CCDC191: variants seen among roughly 807,000 people sequenced by gnomAD.
CCDC191 encodes the protein coiled-coil domain containing 191, also known as coiled-coil domain-containing protein 191.
A neutral mutation model predicts 114.0 loss-of-function variants in CCDC191; 99 were observed. The observed-to-expected ratio is 0.87, with a 90% CI of 0.74 to 1.03. The LOEUF (loss-of-function observed/expected upper bound fraction) is 1.03. Among genes scored for constraint, CCDC191 ranks in the 50% least tolerant of loss-of-function variants. The pLI, the probability that CCDC191 is intolerant of heterozygous loss-of-function variation, is 0.00. For synonymous variants in CCDC191, 351 were observed against 376.0 expected (o/e 0.93, Z 0.77); for missense variants, 973 against 1,087.0 (o/e 0.90, Z 1.47).
chr3:114,045,557 A>G (rs969224616), intron 3 of CCDC191, among the ~76,000 whole-genome samples: 6 of 152,052 alleles, frequency 3.9e-5, no homozygotes, highest in Admixed American at 6.6e-5. Context: ...TATATTTTAT[A>G]AACTGTCATA....
chr3:114,038,394 T>C (rs892670523), intron 4 of CCDC191, among the ~76,000 whole-genome samples: 3 of 152,226 alleles, frequency 2.0e-5, no homozygotes, highest in African/African-American at 4.8e-5. Context: ...GTAGTCATCA[T>C]AATGTCAGAG....
At chr3:114,005,417 T>C (rs2075935396) in intron 10 of CCDC191, 91 bp downstream of exon 10, 2 of 1,251,246 alleles carry the variant, frequency 1.6e-6, no homozygotes, top group African/African-American at 1.5e-5. Context: ...GGAACAATCA[T>C]GGGGCTCAGA....
chr3:114,032,441 T>C (rs62267077), intron 6 of CCDC191, among the ~76,000 whole-genome samples: 10,784 of 152,230 alleles, frequency 0.071, 433 homozygotes, highest in Middle Eastern at 0.11. Flanking sequence ...AACAAGCTCA[T>C]AGCTATGGCC....
Position 114,010,841 on chromosome 3 carries a change from A to C in CCDC191, c.1344T>G (p.Asn448Lys). The C allele has an allele frequency of 6.2e-7, 1 of 1,614,010 alleles. No homozygotes were observed. Reference sequence around the variant, plus strand: ...CAGGTAGACTGATGCCTGATAACCCATTGGCACTGAGTTTCCCCAGTGATG... The same window carrying C: ...CAGGTAGACTGATGCCTGATAACCCCTTGGCACTGAGTTTCCCCAGTGATG... ...QAASLGKLSA[N>K]GLSGISLPEE... Residue 448 changes from asparagine to lysine, a missense_variant, in exon 9 of 17, where the codon AAT becomes AAG. Coordinates refer to ENST00000295878, the MANE Select transcript of CCDC191 (RefSeq NM_020817.2).
At chr3:114,021,265 T>G (rs1324845506) in intron 7 of CCDC191, among the ~76,000 whole-genome samples, 4 of 152,108 alleles carry the variant, frequency 2.6e-5, no homozygotes, top group Admixed American at 6.6e-5. Context: ...GTCAATATGT[T>G]TCTTTAAAAA....
At chr3:114,026,575 G>C (rs890071874) in intron 7 of CCDC191, among the ~76,000 whole-genome samples, 1 of 152,178 alleles carries the variant, frequency 6.6e-6, no homozygotes, top group African/African-American at 2.4e-5. Context: ...CTCAGAAATG[G>C]TTTTGCCTCA....
At chr3:114,012,702 A>G (rs1161412846) in intron 8 of CCDC191, among the ~76,000 whole-genome samples, 2 of 152,214 alleles carry the variant, frequency 1.3e-5, no homozygotes, top group Non-Finnish European at 2.9e-5. Context: ...GTGAAATTCA[A>G]TTTCCATCAA....
chr3:114,010,655 G>A, intron 9 of CCDC191, 117 bp downstream of exon 9: 1 of 908,532 alleles, frequency 1.1e-6, no homozygotes, highest in Non-Finnish European at 1.7e-6. Flanking sequence ...GTAGTGCATT[G>A]AGGCAGCTCT....
At chr3:114,053,018 C>T (rs2076717720) in intron 2 of CCDC191, among the ~76,000 whole-genome samples, 1 of 152,178 alleles carries the variant, frequency 6.6e-6, no homozygotes, top group Admixed American at 6.5e-5. Flanking sequence ...AAATACATAT[C>T]TCAGGCCTGG....
At chr3:113,993,809 T>C (rs2075643648) in intron 13 of CCDC191, among the ~76,000 whole-genome samples, 1 of 151,774 alleles carries the variant, frequency 6.6e-6, no homozygotes, top group Non-Finnish European at 1.5e-5. Context: ...CGCTTGAGCC[T>C]GGGAGGTGGA....
upstream of CCDC191, chr3:114,056,591 T>C: frequency 6.3e-7 from 1 of 1,589,038 alleles, no homozygotes; most frequent in South Asian, 1.1e-5. Context: ...TAGGACACCG[T>C]CGAACCACCA....
chr3:114,021,685 C>A (rs949357180), intron 7 of CCDC191, among the ~76,000 whole-genome samples: 1 of 152,100 alleles, frequency 6.6e-6, no homozygotes, highest in South Asian at 2.1e-4. Flanking sequence ...CTCCCTCCCC[C>A]CAGCTTACTT....
intron 16 of CCDC191, 29 bp from the exon 17 acceptor site, chr3:113,965,388 A>G (rs767209112): frequency 6.9e-7 from 1 of 1,455,112 alleles, no homozygotes; most frequent in South Asian, 1.3e-5. Context: ...AAAAAAGTGA[A>G]ATGTTGAGAA....
intron 12 of CCDC191, 149 bp downstream of exon 12, chr3:114,002,307 G>A (rs918784520): frequency 8.8e-6 from 5 of 566,530 alleles, no homozygotes; most frequent in East Asian, 3.0e-5. Flanking sequence ...AAATTGTCAC[G>A]GAATTCAGGC....
At chr3:113,991,269 C>G (rs1443744738) in intron 13 of CCDC191, among the ~76,000 whole-genome samples, 2 of 131,896 alleles carry the variant, frequency 1.5e-5, no homozygotes, top group East Asian at 2.3e-4. Flanking sequence ...CCCCCCCCCC[C>G]AAAAACCAAT....
chr3:113,995,944 C>A (rs1352107119), intron 13 of CCDC191, among the ~76,000 whole-genome samples: 2 of 149,816 alleles, frequency 1.3e-5, no homozygotes, highest in Non-Finnish European at 3.0e-5. Flanking sequence ...AGTGTCTGTT[C>A]ATATCCTTTG....
Position 114,012,076 on chromosome 3 carries a change from T to TG in CCDC191, c.1164-1056dup, listed in dbSNP as rs569823669. Among the ~76,000 whole-genome samples the TG allele has an allele frequency of 1.1e-3, 163 of 152,310 alleles. 4 individuals are homozygous for TG. In the South Asian group the frequency reaches 0.033, roughly 31 times the overall value. On this transcript the variant is annotated intron_variant, in intron 8 of 16. Transcript: ENST00000295878. ...TGCTTAAGTCTCCTCATGGACTCTTTGGGGTCATATCAAGCAAATCATAAA... is the reference window on the plus strand; with the variant it reads ...TGCTTAAGTCTCCTCATGGACTCTTTGGGGGTCATATCAAGCAAATCATAAA...
intron 9 of CCDC191, among the ~76,000 whole-genome samples, chr3:114,007,793 A>C (rs1017145556): frequency 6.6e-6 from 1 of 152,064 alleles, no homozygotes; most frequent in Non-Finnish European, 1.5e-5. Flanking sequence ...TTCTTAGTAC[A>C]TGAGTTCCTA....
chr3:114,018,857 C>T lies in CCDC191; in HGVS notation c.984G>A (p.Arg328=). Residue 328 remains arginine, a synonymous_variant, in exon 8 of 17, where the codon CGG becomes CGA. Transcript: ENST00000295878. ...TFKENQQCQK[R]YFAAWHKLIL... Reference sequence around the variant, plus strand: ...TCAGCTTGTGCCAGGCAGCGAAATACCGTTTTTGACACTGCAGCGGAAATA... The same window carrying T: ...TCAGCTTGTGCCAGGCAGCGAAATATCGTTTTTGACACTGCAGCGGAAATA... 6.2e-7 allele frequency: 1 copy of T among 1,613,486 alleles called. No individual in the cohort carries two copies. The highest frequency in any genetic ancestry group is 8.5e-7 in the Non-Finnish European group (1 of 1,179,660).
Sources: gnomAD v4.1 joint callset for allele counts (sites outside exome capture counted in the v4.1 genomes callset) on GRCh38, gnomAD v4.1.1 for gene constraint, MANE v1.5 for transcripts, NCBI Gene and HGNC (gene_info 2026-07-23, HGNC 2026-07-21) for gene names.